CHN2: variants seen among roughly 807,000 people sequenced by gnomAD.
CHN2 encodes beta-chimaerin.
CHN2 carries 35 observed loss-of-function variants against 56.3 expected under a neutral mutation model. That is an observed-to-expected ratio of 0.62 (90% CI 0.47 to 0.82). CHN2 has a LOEUF of 0.82. Among genes scored for constraint, CHN2 ranks in the 40% least tolerant of loss-of-function variants. The pLI, the probability that CHN2 is intolerant of heterozygous loss-of-function variation, is 0.00. For synonymous variants in CHN2, 210 were observed against 212.8 expected (o/e 0.99, Z 0.12); for missense variants, 491 against 580.5 (o/e 0.85, Z 1.58).
intron 2 of CHN2, among the ~76,000 whole-genome samples, chr7:29,179,530 T>C (rs865965532): frequency 6.6e-6 from 1 of 152,368 alleles, no homozygotes; most frequent in Middle Eastern, 3.4e-3. Context: ...GGAAAGATTC[T>C]GATACTTGTC....
chr7:29,172,503 C>A (rs1796734675), intron 2 of CHN2, among the ~76,000 whole-genome samples: 1 of 152,156 alleles, frequency 6.6e-6, no homozygotes, highest in Non-Finnish European at 1.5e-5. Context: ...CCTTCAGATT[C>A]AGGAAAACCA....
At chr7:29,497,319 A>C (rs751294911) in intron 8 of CHN2, among the ~76,000 whole-genome samples, 13 of 152,162 alleles carry the variant, frequency 8.5e-5, no homozygotes, top group Admixed American at 5.2e-4. Flanking sequence ...GCCTGTCCCT[A>C]TTGTACCTAT....
intron 7 of CHN2, 91 bp from the exon 8 acceptor site, chr7:29,495,861 C>T (rs949339958): frequency 7.0e-6 from 7 of 997,922 alleles, no homozygotes; most frequent in Admixed American, 6.2e-5. Context: ...AGTGGGGGAT[C>T]GCTCCTGCTG....
chr7:29,299,831 A>G (rs944064688), intron 1 of CHN2, among the ~76,000 whole-genome samples: 1 of 152,228 alleles, frequency 6.6e-6, no homozygotes, highest in African/African-American at 2.4e-5. Flanking sequence ...CAAGTAGACA[A>G]CTGTCCATGA....
rs200736989 is a variant in CHN2, at chr7:29,512,750, G to A, written c.*15G>A. The A allele has an allele frequency of 5.6e-4, 903 of 1,612,802 alleles. 2 individuals are homozygous for A. Among genetic ancestry groups the A allele is most frequent in the South Asian group, 8.7e-4 (79 of 90,878 alleles). Reference sequence around the variant, plus strand: ...TTTTATTCTAATCCATCAGGGAAATGAGCTGAATGGCCCCAGCACCATCCA... The same window carrying A: ...TTTTATTCTAATCCATCAGGGAAATAAGCTGAATGGCCCCAGCACCATCCA... On this transcript the variant is annotated 3_prime_UTR_variant, in exon 13 of 13. Transcript: ENST00000222792.
intron 6 of CHN2, among the ~76,000 whole-genome samples, chr7:29,423,469 G>C (rs1048529878): frequency 5.3e-5 from 8 of 152,210 alleles, no homozygotes; most frequent in Admixed American, 3.3e-4. Context: ...CCTGGGGTCA[G>C]CTGGGGTTTT....
At chr7:29,480,415 G>A (rs1787065597) in intron 7 of CHN2, 59 bp downstream of exon 7, 1 of 1,524,068 alleles carries the variant, frequency 6.6e-7, no homozygotes, top group Non-Finnish European at 9.1e-7. Flanking sequence ...AAGGTACAGT[G>A]TATAGTTTCC....
intron 1 of CHN2, among the ~76,000 whole-genome samples, chr7:29,341,394 A>G (rs1797045203): frequency 6.6e-6 from 1 of 152,230 alleles, no homozygotes; most frequent in South Asian, 2.1e-4. Flanking sequence ...ACCAATTGTT[A>G]TGGATGGTGC....
At chr7:29,484,602 G>A (rs571082600) in intron 7 of CHN2, among the ~76,000 whole-genome samples, 84 of 152,222 alleles carry the variant, frequency 5.5e-4, no homozygotes, top group African/African-American at 1.0e-3. Flanking sequence ...AAGGTTGCCA[G>A]CCATGGGATT....
At chr7:29,383,842 A>G (rs1800714473) in intron 3 of CHN2, among the ~76,000 whole-genome samples, 1 of 152,180 alleles carries the variant, frequency 6.6e-6, no homozygotes, top group South Asian at 2.1e-4. Context: ...GCATTTTCTG[A>G]CTTAAGTGTG....
chr7:29,147,067 AT>A (rs1792829544), intron 2 of CHN2: 1 of 1,452,948 alleles, frequency 6.9e-7, no homozygotes, highest in Middle Eastern at 2.1e-4. Flanking sequence ...CCATTTTGCA[AT>A]TGGGGGACAC....
chr7:29,470,526 A>T (rs976619666), intron 6 of CHN2, among the ~76,000 whole-genome samples: 2 of 152,202 alleles, frequency 1.3e-5, no homozygotes, highest in African/African-American at 4.8e-5. Flanking sequence ...AACATGGGGC[A>T]GTTCACATGG....
At chr7:29,234,640 G>C (rs1787039874) in intron 1 of CHN2, among the ~76,000 whole-genome samples, 1 of 152,182 alleles carries the variant, frequency 6.6e-6, no homozygotes, top group Non-Finnish European at 1.5e-5. Context: ...GTAATTTAGA[G>C]ATCTGTACCC....
chr7:29,477,220 A>G (rs989356346), intron 6 of CHN2, among the ~76,000 whole-genome samples: 3 of 152,202 alleles, frequency 2.0e-5, no homozygotes, highest in Non-Finnish European at 4.4e-5. Context: ...AGTCCCCTGT[A>G]AAGAAGCATC....
chr7:29,406,138 T>C (rs1802633399), intron 6 of CHN2, among the ~76,000 whole-genome samples: 1 of 152,158 alleles, frequency 6.6e-6, no homozygotes. Context: ...TAGGACAGAG[T>C]TCAAATTCCT....
chr7:29,360,581 A>AG (rs895011623), intron 2 of CHN2, among the ~76,000 whole-genome samples: 4 of 152,198 alleles, frequency 2.6e-5, no homozygotes, highest in African/African-American at 9.6e-5. Context: ...GGCAGGGTGG[A>AG]GGGTGGGGTT....
chr7:29,418,876 A>G (rs990292501), intron 6 of CHN2, among the ~76,000 whole-genome samples: 36 of 152,310 alleles, frequency 2.4e-4, no homozygotes, highest in African/African-American at 8.7e-4. Flanking sequence ...TTAGCACTCT[A>G]TGTATCTGGT....
chr7:29,479,253 A>G (rs1269943322), intron 6 of CHN2, among the ~76,000 whole-genome samples: 1 of 152,212 alleles, frequency 6.6e-6, no homozygotes, highest in African/African-American at 2.4e-5. Flanking sequence ...GGGCACTAAC[A>G]GAATGAACAC....
chr7:29,150,926 C>T (rs2128691663), intron 2 of CHN2, among the ~76,000 whole-genome samples: 1 of 152,268 alleles, frequency 6.6e-6, no homozygotes, highest in Non-Finnish European at 1.5e-5. Flanking sequence ...CACCCACACA[C>T]TTGCAAAACA....
Sources: allele counts gnomAD v4.1 joint callset (sites outside exome capture counted in the v4.1 genomes callset), GRCh38; gene constraint gnomAD v4.1.1; transcripts MANE v1.5; gene names NCBI Gene and HGNC (gene_info 2026-07-23, HGNC 2026-07-21).